Variants in MAF observed in about 807,000 individuals in gnomAD.
MAF encodes transcription factor Maf.
MAF carries 10 observed loss-of-function variants against 22.0 expected under a neutral mutation model. The observed-to-expected ratio is 0.45, with a 90% CI of 0.28 to 0.77. MAF has a LOEUF of 0.77. Ranked by LOEUF, MAF falls within the 30% of genes least tolerant of loss-of-function variation. The pLI is 0.12. For synonymous variants in MAF, 337 were observed against 255.8 expected (o/e 1.32, Z -3.03); for missense variants, 544 against 548.4 (o/e 0.99, Z 0.08).
the MAF span, among the ~76,000 whole-genome samples, chr16:79,227,669 A>C: frequency 5.9e-4 from 89 of 152,044 alleles, 1 homozygote; most frequent in African/African-American, 2.1e-3. Context: ...ATTTGAACTA[A>C]ATGATAAGCT....
chr16:79,574,984 G>T, the MAF span, among the ~76,000 whole-genome samples: 9 of 151,640 alleles, frequency 5.9e-5, no homozygotes, highest in Non-Finnish European at 1.2e-4. Flanking sequence ...CTTCTACTAG[G>T]AGTTCTCAAT....
At chr16:79,379,212 C>CT in the MAF span, among the ~76,000 whole-genome samples, 2 of 152,152 alleles carry the variant, frequency 1.3e-5, no homozygotes, top group Non-Finnish European at 2.9e-5. Flanking sequence ...TGCCTGTCAA[C>CT]CCTAATAGAT....
the MAF span, among the ~76,000 whole-genome samples, chr16:79,406,950 G>C: frequency 5.1e-4 from 77 of 152,264 alleles, no homozygotes; most frequent in African/African-American, 1.8e-3. Flanking sequence ...GATGCTCTCA[G>C]CAAACCGAAC....
the MAF span, among the ~76,000 whole-genome samples, chr16:79,457,218 G>C: frequency 6.6e-6 from 1 of 152,092 alleles, no homozygotes; most frequent in South Asian, 2.1e-4. Flanking sequence ...CATGCAACAG[G>C]TGTCACTTGC....
At chr16:79,414,161 G>C in the MAF span, among the ~76,000 whole-genome samples, 1 of 152,194 alleles carries the variant, frequency 6.6e-6, no homozygotes, top group African/African-American at 2.4e-5. Context: ...TTCTTTGCCA[G>C]ACACTAAACC....
chr16:79,213,874 C>G, the MAF span, among the ~76,000 whole-genome samples: 1 of 152,192 alleles, frequency 6.6e-6, no homozygotes, highest in Non-Finnish European at 1.5e-5. Context: ...AGCTTCTCAG[C>G]TCACTAAGGT....
chr16:79,415,740 G>C, the MAF span, among the ~76,000 whole-genome samples: 1 of 151,828 alleles, frequency 6.6e-6, no homozygotes, highest in African/African-American at 2.4e-5. Flanking sequence ...AGTTAGACCT[G>C]GGTTTGATCC....
chr16:79,572,151 G>A, the MAF span, among the ~76,000 whole-genome samples: 1 of 152,124 alleles, frequency 6.6e-6, no homozygotes, highest in Non-Finnish European at 1.5e-5. Flanking sequence ...GCAATTTGCT[G>A]GAGTCAAAGA....
chr16:79,212,250 G>GAGAT, the MAF span: 4 of 1,332,180 alleles, frequency 3.0e-6, no homozygotes, highest in Non-Finnish European at 4.0e-6. Context: ...ATTGATCCAG[G>GAGAT]AGATAATTGT....
the MAF span, among the ~76,000 whole-genome samples, chr16:79,256,186 C>G: frequency 6.6e-6 from 1 of 151,106 alleles, no homozygotes; most frequent in Non-Finnish European, 1.5e-5. Context: ...GACGGGATTT[C>G]ACCATGTTAG....
chr16:79,522,353 C>T, the MAF span, among the ~76,000 whole-genome samples: 1 of 152,160 alleles, frequency 6.6e-6, no homozygotes, highest in Non-Finnish European at 1.5e-5. Flanking sequence ...AGATGAGAAA[C>T]CAGCCTGCAA....
At chr16:79,379,672 G>A in the MAF span, among the ~76,000 whole-genome samples, 1 of 152,216 alleles carries the variant, frequency 6.6e-6, no homozygotes, top group Non-Finnish European at 1.5e-5. Flanking sequence ...GTGAAACTAA[G>A]TCATTCCAGG....
chr16:79,517,310 G>A, the MAF span, among the ~76,000 whole-genome samples: 10 of 152,198 alleles, frequency 6.6e-5, no homozygotes, highest in Admixed American at 5.9e-4. Flanking sequence ...GGAGACAAAC[G>A]ATTGCCTAAT....
the MAF span, among the ~76,000 whole-genome samples, chr16:79,280,130 T>C: frequency 6.6e-6 from 1 of 152,130 alleles, no homozygotes; most frequent in East Asian, 1.9e-4. Flanking sequence ...GATTTTCAGC[T>C]CTCTTTAAGA....
At chr16:79,307,028 C>T in the MAF span, among the ~76,000 whole-genome samples, 1 of 152,230 alleles carries the variant, frequency 6.6e-6, no homozygotes, top group Non-Finnish European at 1.5e-5. Flanking sequence ...CTGCACATCA[C>T]TCAAATCCCG....
the MAF span, among the ~76,000 whole-genome samples, chr16:79,436,171 C>T: frequency 5.3e-5 from 8 of 152,284 alleles, no homozygotes; most frequent in South Asian, 2.1e-4. Context: ...CAACCTCTGC[C>T]TCCCAAGTTC....
the MAF span, among the ~76,000 whole-genome samples, chr16:79,334,233 C>T: frequency 1.3e-5 from 2 of 152,214 alleles, no homozygotes; most frequent in South Asian, 2.1e-4. Flanking sequence ...ACACATTGGG[C>T]TGCAGTCGTG....
chr16:79,409,764 C>T, the MAF span, among the ~76,000 whole-genome samples: 1 of 152,176 alleles, frequency 6.6e-6, no homozygotes, highest in Non-Finnish European at 1.5e-5. Context: ...AAGGCCATCC[C>T]TACTCTACAG....
At chr16:79,554,645 A>T in the MAF span, among the ~76,000 whole-genome samples, 2 of 152,146 alleles carry the variant, frequency 1.3e-5, no homozygotes, top group African/African-American at 4.8e-5. Flanking sequence ...GTCTCCCAGG[A>T]TGCTCATGAG....
Sources: allele counts gnomAD v4.1 joint callset (sites outside exome capture counted in the v4.1 genomes callset), GRCh38; gene constraint gnomAD v4.1.1; transcripts MANE v1.5; gene names NCBI Gene and HGNC (gene_info 2026-07-23, HGNC 2026-07-21).